PXDNL: variants seen among roughly 807,000 people sequenced by gnomAD.
The protein encoded by PXDNL is probable oxidoreductase PXDNL.
In PXDNL, 145 loss-of-function variants were observed where a neutral mutation model predicts 150.8. That is an observed-to-expected ratio of 0.96 (90% confidence interval 0.84 to 1.10). PXDNL has a LOEUF of 1.10. PXDNL is among the 50% of genes least tolerant of loss of function. PXDNL has a pLI of 0.00. For synonymous variants in PXDNL, 757 were observed against 725.7 expected, an observed-to-expected ratio of 1.04 and a Z score of -0.69; for missense variants, 2,087 against 1,873.9, an observed-to-expected ratio of 1.11 and a Z score of -2.10.
intron 2 of PXDNL, among the ~76,000 whole-genome samples, chr8:51,618,284 G>A (rs1814172306): frequency 6.6e-6 from 1 of 152,194 alleles, no homozygotes; most frequent in South Asian, 2.1e-4. Context: ...GAAATCAGCG[G>A]GTGTTGGCAT....
intron 3 of PXDNL, 96 bp from the exon 4 acceptor site, chr8:51,557,007 G>T: frequency 1.5e-6 from 1 of 685,854 alleles, no homozygotes; most frequent in South Asian, 1.8e-5. Context: ...TGGACCTTAG[G>T]AGCTTTGTGG....
intron 3 of PXDNL, among the ~76,000 whole-genome samples, chr8:51,561,005 A>T: frequency 6.6e-6 from 1 of 151,950 alleles, no homozygotes; most frequent in East Asian, 1.9e-4. Context: ...GAAAATATAC[A>T]AGTGACCAAC....
chr8:51,510,165 G>C (rs1039545019), intron 4 of PXDNL, among the ~76,000 whole-genome samples: 1 of 152,060 alleles, frequency 6.6e-6, no homozygotes, highest in Non-Finnish European at 1.5e-5. Context: ...AGGCAAGAAA[G>C]GCACATTGGG....
chr8:51,672,466 G>A (rs1815516477), intron 1 of PXDNL, among the ~76,000 whole-genome samples: 1 of 152,122 alleles, frequency 6.6e-6, no homozygotes, highest in African/African-American at 2.4e-5. Flanking sequence ...GGAATCCTAT[G>A]GCTTCGTTTC....
Position 51,390,301 on chromosome 8 carries a change from T to TA in PXDNL, c.3558-15571dup, listed in dbSNP as rs1807853086. 2.6e-5 allele frequency among the ~76,000 whole-genome samples: 4 copies of TA among 152,332 alleles called. No individual in the cohort carries two copies. The South Asian group carries it at 8.3e-4, about 32-fold the overall frequency. On this transcript the variant is annotated intron_variant, in intron 17 of 22. Coordinates refer to ENST00000356297, the MANE Select transcript of PXDNL (RefSeq NM_144651.5). ...CAAAGGAGAATATTTTAGAGCCATT[T>TA]AAAAGCATTCAGTAAGTTTCCTGTG... is the stretch of plus-strand genomic sequence containing the variant.
intron 4 of PXDNL, among the ~76,000 whole-genome samples, chr8:51,539,644 G>T (rs1237022115): frequency 6.6e-6 from 1 of 151,928 alleles, no homozygotes; most frequent in African/African-American, 2.4e-5. Context: ...TTCTTTAAAA[G>T]ATTTAGTTAT....
chr8:51,591,679 C>T (rs993084860), intron 3 of PXDNL, among the ~76,000 whole-genome samples: 8 of 151,560 alleles, frequency 5.3e-5, no homozygotes, highest in South Asian at 2.1e-4. Context: ...AGTGCAGTGG[C>T]GCCATCTCGG....
intron 3 of PXDNL, among the ~76,000 whole-genome samples, chr8:51,571,503 TA>T (rs562832118): frequency 1.1e-3 from 168 of 151,970 alleles, no homozygotes; most frequent in African/African-American, 3.8e-3. Flanking sequence ...TGCCCAACTG[TA>T]AAAATAAGGC....
At chr8:51,688,866 T>G (rs1253015124) in intron 1 of PXDNL, among the ~76,000 whole-genome samples, 1 of 152,226 alleles carries the variant, frequency 6.6e-6, no homozygotes, top group Non-Finnish European at 1.5e-5. Flanking sequence ...CCAGGTGGAT[T>G]AGATCTCCAG....
At chr8:51,390,172 G>C (rs1446080130) in intron 17 of PXDNL, among the ~76,000 whole-genome samples, 1 of 152,056 alleles carries the variant, frequency 6.6e-6, no homozygotes, top group East Asian at 1.9e-4. Context: ...AAGAACATCT[G>C]GCATTATGCA....
At chr8:51,531,152 T>C (rs1331360323) in intron 4 of PXDNL, among the ~76,000 whole-genome samples, 3 of 152,014 alleles carry the variant, frequency 2.0e-5, no homozygotes, top group African/African-American at 7.2e-5. Flanking sequence ...GGCAGAAAAA[T>C]CTCCCCAACA....
chr8:51,792,947 C>G (rs1259368730), intron 1 of PXDNL, among the ~76,000 whole-genome samples: 2 of 152,200 alleles, frequency 1.3e-5, no homozygotes, highest in Admixed American at 1.3e-4. Flanking sequence ...TGGGATGTCC[C>G]CCAGCACAGC....
At chr8:51,802,381 C>T (rs2037630735) in intron 1 of PXDNL, among the ~76,000 whole-genome samples, 1 of 152,146 alleles carries the variant, frequency 6.6e-6, no homozygotes, top group African/African-American at 2.4e-5. Flanking sequence ...CTTGTCCAAC[C>T]CACAATCTGC....
chr8:51,373,120 G>C (rs1287374326), intron 18 of PXDNL, among the ~76,000 whole-genome samples: 1 of 152,190 alleles, frequency 6.6e-6, no homozygotes, highest in Non-Finnish European at 1.5e-5. Context: ...TTTGGAGACA[G>C]GGCCTTTACA....
intron 2 of PXDNL, among the ~76,000 whole-genome samples, chr8:51,645,605 T>C (rs946513203): frequency 6.6e-6 from 1 of 152,144 alleles, no homozygotes; most frequent in Non-Finnish European, 1.5e-5. Context: ...CATTTAAAGA[T>C]AGAATGAAGT....
intron 1 of PXDNL, among the ~76,000 whole-genome samples, chr8:51,768,294 T>C (rs2037253867): frequency 1.3e-5 from 2 of 151,596 alleles, no homozygotes; most frequent in South Asian, 4.2e-4. Flanking sequence ...TGTGGAGAAG[T>C]GGATTTTTGA....
intron 1 of PXDNL, among the ~76,000 whole-genome samples, chr8:51,703,027 T>C (rs1585686445): frequency 6.6e-6 from 1 of 152,198 alleles, no homozygotes; most frequent in Non-Finnish European, 1.5e-5. Flanking sequence ...TGACAATCTT[T>C]TTCTACACTT....
chr8:51,482,623 T>G (rs1005993224), intron 6 of PXDNL, among the ~76,000 whole-genome samples: 1 of 152,146 alleles, frequency 6.6e-6, no homozygotes, highest in Non-Finnish European at 1.5e-5. Flanking sequence ...TCAAGGGGAC[T>G]AAATCATAGA....
rs145623148 is a variant in PXDNL, at chr8:51,713,509, C to T, written c.165-58749G>A. Among the ~76,000 whole-genome samples, 186 of 152,294 alleles carry T rather than the reference C, an allele frequency of 1.2e-3. 1 individual carries two copies. Among genetic ancestry groups the T allele is most frequent in the African/African-American group, 4.3e-3 (177 of 41,560 alleles). ...ACCCCAGTTGAATAGGCAAGGCTGG[C>T]CAACGTTGTCCTCACACCTCGTTGA... On this transcript the variant is annotated intron_variant, in intron 1 of 22. Coordinates refer to ENST00000356297, the MANE Select transcript of PXDNL (RefSeq NM_144651.5).
Sources: gnomAD v4.1 joint callset for allele counts (sites outside exome capture counted in the v4.1 genomes callset) on GRCh38, gnomAD v4.1.1 for gene constraint, MANE v1.5 for transcripts, NCBI Gene and HGNC (gene_info 2026-07-23, HGNC 2026-07-21) for gene names.